HIBCH: variants seen among roughly 807,000 people sequenced by gnomAD.
HIBCH encodes the protein 3-hydroxyisobutyryl-CoA hydrolase.
HIBCH carries 50 observed loss-of-function variants against 58.2 expected under a neutral mutation model. That is an observed-to-expected ratio of 0.86 (90% confidence interval 0.68 to 1.09). HIBCH has a LOEUF of 1.09. Ranked by LOEUF, HIBCH falls within the 50% of genes least tolerant of loss-of-function variation. HIBCH has a pLI of 0.00. For missense variants in HIBCH, 450 were observed against 449.7 expected, an observed-to-expected ratio of 1.00 and a Z score of -0.01; for synonymous variants, 151 against 146.9, an observed-to-expected ratio of 1.03 and a Z score of -0.20.
chr2:190,235,465 T>C (rs59482123), intron 11 of HIBCH, among the ~76,000 whole-genome samples: 1,901 of 152,312 alleles, frequency 0.012, 47 homozygotes, highest in African/African-American at 0.042. Context: ...ATTTCTTTAG[T>C]TCATGTGTGA....
At chr2:190,260,884 T>C (rs1444275758) in intron 7 of HIBCH, among the ~76,000 whole-genome samples, 2 of 152,202 alleles carry the variant, frequency 1.3e-5, no homozygotes, top group Non-Finnish European at 2.9e-5. Flanking sequence ...GGCAAAAATA[T>C]ATTCCCTTAA....
At position 190,252,029 on chromosome 2, in the gene HIBCH, A is replaced by G. The variant is rs962582634; in HGVS notation, c.663+133T>C. ...ACTTTCTCCAAGGTAACACAGCTAT[A>G]AACTAATAGGTCCAGGATTCACACC... On this transcript the variant is annotated intron_variant, in intron 8 of 13. Coordinates refer to ENST00000359678, the MANE Select transcript of HIBCH (RefSeq NM_014362.4). 55 of 795,910 alleles carry G rather than the reference A, an allele frequency of 6.9e-5. No homozygotes were observed. The Admixed American group carries it at 1.1e-3, about 16-fold the overall frequency. The allele number at this position is 795,910 out of a possible 1,614,324, so 49.3% of individuals were successfully genotyped here.
At chr2:190,307,015 T>A (rs1688430398) in intron 2 of HIBCH, among the ~76,000 whole-genome samples, 1 of 152,058 alleles carries the variant, frequency 6.6e-6, no homozygotes, top group Non-Finnish European at 1.5e-5. Flanking sequence ...CCATGAGAAA[T>A]AAATTTTGTT....
intron 7 of HIBCH, among the ~76,000 whole-genome samples, chr2:190,257,505 G>C (rs1247289827): frequency 2.0e-5 from 3 of 149,656 alleles, no homozygotes; most frequent in Non-Finnish European, 3.0e-5. Context: ...GATTGATCAG[G>C]AAAAAAAAAG....
chr2:190,302,477 G>C (rs1435816080), intron 2 of HIBCH, among the ~76,000 whole-genome samples: 1 of 152,146 alleles, frequency 6.6e-6, no homozygotes, highest in South Asian at 2.1e-4. Context: ...ACATAGACTG[G>C]CCAGAACCAC....
intron 1 of HIBCH, among the ~76,000 whole-genome samples, chr2:190,190,196 A>C (rs1230876975): frequency 6.6e-6 from 1 of 152,202 alleles, no homozygotes; most frequent in East Asian, 1.9e-4. Context: ...AATAGCCTAG[A>C]AAGTTATTTC....
In HIBCH at chr2:190,319,811, C is replaced by T; in HGVS notation, c.-61G>A. 1 of 1,579,062 alleles carries T rather than the reference C, an allele frequency of 6.3e-7. No homozygotes were observed. The highest frequency in any genetic ancestry group is 1.8e-5 in the Admixed American group (1 of 55,178). On this transcript the variant is annotated 5_prime_UTR_variant, in exon 1 of 14. Transcript: ENST00000359678. ...AATCTCCCGGACCGTTCCAGCGCCTCGCGTGAGCCCCGCCCACCGCCGTCC... is the reference window on the plus strand; with the variant it reads ...AATCTCCCGGACCGTTCCAGCGCCTTGCGTGAGCCCCGCCCACCGCCGTCC...
At chr2:190,289,513 G>C (rs1687912896) in intron 5 of HIBCH, among the ~76,000 whole-genome samples, 1 of 152,112 alleles carries the variant, frequency 6.6e-6, no homozygotes, top group Non-Finnish European at 1.5e-5. Context: ...GGGATAAATG[G>C]TTGCTTCTGG....
chr2:190,318,895 A>C (rs59749534), intron 1 of HIBCH, among the ~76,000 whole-genome samples: 3,041 of 152,348 alleles, frequency 0.02, 101 homozygotes, highest in African/African-American at 0.068. Flanking sequence ...AGTGTTAGAC[A>C]TCTAGACACT....
At chr2:190,292,728 T>C (rs1482640566) in intron 4 of HIBCH, among the ~76,000 whole-genome samples, 1 of 152,228 alleles carries the variant, frequency 6.6e-6, no homozygotes, top group Non-Finnish European at 1.5e-5. Context: ...TATCATCTTT[T>C]ATTCAGCTCT....
At chr2:190,244,012 T>C (rs1192955339) in intron 11 of HIBCH, among the ~76,000 whole-genome samples, 2 of 152,060 alleles carry the variant, frequency 1.3e-5, no homozygotes, top group African/African-American at 4.8e-5. Flanking sequence ...ATGGAGGAAA[T>C]GTTTTCACCT....
chr2:190,261,447 C>T (rs1687086409), intron 6 of HIBCH, among the ~76,000 whole-genome samples: 1 of 152,164 alleles, frequency 6.6e-6, no homozygotes, highest in South Asian at 2.1e-4. Context: ...TAAACATTTA[C>T]ACATAAAGTC....
chr2:190,271,434 T>C (rs1687399321), intron 6 of HIBCH, among the ~76,000 whole-genome samples: 1 of 151,624 alleles, frequency 6.6e-6, no homozygotes, highest in Non-Finnish European at 1.5e-5. Context: ...GGATTACAGG[T>C]GCGCACCACT....
rs1341440380 is a variant in HIBCH at position 190,319,747 on chromosome 2, C to T, written c.4G>A (p.Gly2Arg). M[G>R]QREMWRLMSR... ...ATGAGCCTCCACATCTCGCGCTGCC[C>T]CATCGCCAAACACTCCGAAGCTAAA... Residue 2 changes from glycine (G) to arginine (R), a missense_variant, in exon 1 of 14, where the codon GGG (glycine) becomes AGG (arginine). Physicochemically the swap from Gly to Arg is moderately radical, Grantham distance 125. Transcript: ENST00000359678. 1 of 1,612,690 alleles carries T rather than the reference C, an allele frequency of 6.2e-7. No homozygotes were observed. Among genetic ancestry groups the T allele is most frequent in the Non-Finnish European group, 8.5e-7 (1 of 1,179,462 alleles).
chr2:190,199,863 G>A, downstream of HIBCH: 1 of 1,613,328 alleles, frequency 6.2e-7, no homozygotes, highest in Non-Finnish European at 8.5e-7. Context: ...TTCATAACAT[G>A]GGCTGCATGA....
At chr2:190,232,933 G>A (rs1051552611) in intron 11 of HIBCH, among the ~76,000 whole-genome samples, 1 of 151,866 alleles carries the variant, frequency 6.6e-6, no homozygotes, top group African/African-American at 2.4e-5. Context: ...ACTCCAGCCT[G>A]GGTGACAGAG....
chr2:190,229,971 G>C (rs910329669), intron 11 of HIBCH, among the ~76,000 whole-genome samples: 1 of 152,098 alleles, frequency 6.6e-6, no homozygotes, highest in African/African-American at 2.4e-5. Flanking sequence ...TCTGCATTAT[G>C]GTTGGTTACT....
chr2:190,266,254 T>C (rs902597678), intron 6 of HIBCH, among the ~76,000 whole-genome samples: 3 of 152,364 alleles, frequency 2.0e-5, no homozygotes, highest in Non-Finnish European at 4.4e-5. Context: ...AGGTCAAGCT[T>C]ATTAAACAAT....
Position 190,204,856 on chromosome 2 carries a change from T to C in HIBCH, c.*261A>G, listed in dbSNP as rs1258267488. 7.3e-6 allele frequency: 3 copies of C among 410,782 alleles called. No homozygotes were observed. The highest frequency in any genetic ancestry group is 4.8e-5 in the East Asian group (1 of 20,664). The allele number at this position is 410,782 out of a possible 1,614,324, so 25.4% of individuals were successfully genotyped here. On this transcript the variant is annotated 3_prime_UTR_variant, in exon 14 of 14. Coordinates refer to ENST00000359678, the MANE Select transcript of HIBCH (RefSeq NM_014362.4). ...GGCTTTGTAGGCTTTACCATCTCTATTGCAACTACTCATTTCAAAGCAGCC... is the reference window on the plus strand; with the variant it reads ...GGCTTTGTAGGCTTTACCATCTCTACTGCAACTACTCATTTCAAAGCAGCC...
Sources: allele counts gnomAD v4.1 joint callset (sites outside exome capture counted in the v4.1 genomes callset), GRCh38; gene constraint gnomAD v4.1.1; transcripts MANE v1.5; gene names NCBI Gene and HGNC (gene_info 2026-07-23, HGNC 2026-07-21).